ZNF33B: variants seen among roughly 807,000 people sequenced by gnomAD.
ZNF33B encodes zinc finger protein 33B.
Under a neutral mutation model 45.8 loss-of-function variants are expected in ZNF33B, and 29 were observed. That is an observed-to-expected ratio of 0.63 (90% CI 0.47 to 0.86). The LOEUF (loss-of-function observed/expected upper bound fraction) is 0.86, where lower values mean the gene tolerates loss of function less well. Ranked by LOEUF, ZNF33B falls within the 40% of genes least tolerant of loss-of-function variation. The pLI is 0.00. For synonymous variants in ZNF33B, 305 were observed against 307.8 expected, an observed-to-expected ratio of 0.99 and a Z score of 0.10; for missense variants, 831 against 909.9, an observed-to-expected ratio of 0.91 and a Z score of 1.12.
At chr10:42,628,924 G>A (rs1431025581) in intron 4 of ZNF33B, among the ~76,000 whole-genome samples, 1 of 152,160 alleles carries the variant, frequency 6.6e-6, no homozygotes, top group African/African-American at 2.4e-5. Context: ...TAAAAGTAGA[G>A]CTATCATATA....
intron 1 of ZNF33B, among the ~76,000 whole-genome samples, chr10:42,578,031 C>A (rs1253929584): frequency 6.6e-6 from 1 of 152,026 alleles, no homozygotes. Flanking sequence ...GAGAGGATAG[C>A]CGGTGGGCCT....
At chr10:42,632,530 T>C in intron 2 of ZNF33B, 91 bp from the exon 3 acceptor site, 2 of 1,487,920 alleles carry the variant, frequency 1.3e-6, no homozygotes, top group East Asian at 4.7e-5. Context: ...TTTTGCTTTA[T>C]ACTTTTAGGG....
Position 42,638,552 on chromosome 10 carries a change from A to G in ZNF33B, c.-123T>C, listed in dbSNP as rs1462460500. The G allele has an allele frequency of 8.4e-6, 4 of 477,340 alleles. No homozygotes were observed. Among genetic ancestry groups the G allele is most frequent in the Non-Finnish European group, 1.7e-5 (4 of 239,014 alleles). The allele number at this position is 477,340 out of a possible 1,614,324, so 29.6% of individuals were successfully genotyped here. A position where few individuals can be genotyped will look rare whatever the true frequency, so the allele number is the denominator to read the frequency against. On this transcript the variant is annotated 5_prime_UTR_variant, in exon 1 of 5. Coordinates refer to ENST00000359467, the MANE Select transcript of ZNF33B (RefSeq NM_006955.3). The stretch of plus-strand genomic sequence containing the variant: ...ATCCCGGGACCGCCTCCCACGCAAA[A>G]CGTGAGACAAACAAAAGGAAAGGCG...
At chr10:42,631,437 T>C (rs1342043962) in intron 4 of ZNF33B, among the ~76,000 whole-genome samples, 1 of 152,184 alleles carries the variant, frequency 6.6e-6, no homozygotes, top group Non-Finnish European at 1.5e-5. Flanking sequence ...ACTCCTGACC[T>C]CAAGTGATCT....
intron 4 of ZNF33B, among the ~76,000 whole-genome samples, chr10:42,620,598 C>T (rs940558564): frequency 1.1e-4 from 16 of 150,994 alleles, no homozygotes; most frequent in African/African-American, 3.7e-4. Flanking sequence ...TTTGTAGAAA[C>T]GGAGTCTCAC....
chr10:42,637,100 C>T, intron 1 of ZNF33B, 128 bp from the exon 2 acceptor site: 1 of 813,340 alleles, frequency 1.2e-6, no homozygotes, highest in Non-Finnish European at 2.0e-6. Context: ...ATATCAATGT[C>T]CTCTGACACT....
chr10:42,605,955 G>A (rs1259520882), intron 4 of ZNF33B, among the ~76,000 whole-genome samples: 14 of 151,944 alleles, frequency 9.2e-5, no homozygotes, highest in South Asian at 4.2e-4. Context: ...TTAATTACCC[G>A]GGCATAGTGG....
chr10:42,583,475 AAAG>A (rs1450138253), intron 1 of ZNF33B: 1 of 259,052 alleles, frequency 3.9e-6, no homozygotes, highest in Non-Finnish European at 7.7e-6. Flanking sequence ...TGGTATCTTC[AAAG>A]AAGTTGAGAG....
intron 1 of ZNF33B, among the ~76,000 whole-genome samples, chr10:42,637,819 C>T (rs1219047666): frequency 6.6e-6 from 1 of 152,014 alleles, no homozygotes; most frequent in East Asian, 1.9e-4. Flanking sequence ...CGCATGGCTA[C>T]TTTTAGTATT....
intron 4 of ZNF33B, among the ~76,000 whole-genome samples, chr10:42,598,967 T>C (rs1282010084): frequency 7.7e-6 from 1 of 129,432 alleles, no homozygotes; most frequent in Non-Finnish European, 1.7e-5. Flanking sequence ...ATTGGTACTA[T>C]TAATTGTTTG....
At chr10:42,608,590 C>T (rs1380191614) in intron 4 of ZNF33B, among the ~76,000 whole-genome samples, 1 of 151,648 alleles carries the variant, frequency 6.6e-6, no homozygotes, top group Non-Finnish European at 1.5e-5. Context: ...AGAAAAAATG[C>T]TATGAGGTAA....
intron 4 of ZNF33B, among the ~76,000 whole-genome samples, chr10:42,630,058 T>G (rs1838981755): frequency 6.6e-6 from 1 of 152,154 alleles, no homozygotes; most frequent in Non-Finnish European, 1.5e-5. Context: ...AAAATATATT[T>G]ATCCCCATTT....
chr10:42,593,813 G>T lies in ZNF33B; in HGVS notation c.1137C>A (p.His379Gln). 6.2e-7 allele frequency: 1 copy of T among 1,614,066 alleles called. No individual in the cohort carries two copies. Among genetic ancestry groups the T allele is most frequent in the Non-Finnish European group, 8.5e-7 (1 of 1,179,974 alleles). Residue 379 changes from histidine (H) to glutamine (Q), a missense_variant, in exon 5 of 5, where the codon CAC (histidine) becomes CAA (glutamine). By Grantham distance (24) the His-to-Gln change is conservative (BLOSUM62 0). Coordinates refer to ENST00000359467, the MANE Select transcript of ZNF33B (RefSeq NM_006955.3). ...TGCATTCAAAAGGTTTCTCCCCTGT[G>T]TGTGATCTCTGATGTTTAGTGAGGT... ...KSNLTKHQRS[H>Q]TGEKPFECNE...
At position 42,631,935 on chromosome 10, in the gene ZNF33B, A is replaced by G. The variant is rs1290961596; in HGVS notation, c.244T>C (p.Phe82Leu). ...RLEEEFPSQS[F>L]PEVWTADHLK... ...GCAGTACATATTAACCCACCTGGAA[A>G]GCTCTGGCTTGGGAATTCTTCCTCC... The change falls in exon 4 of 5, where the codon TTT becomes CTT. Residue 82 changes from phenylalanine to leucine, a missense_variant. Coordinates refer to ENST00000359467, the MANE Select transcript of ZNF33B (RefSeq NM_006955.3). The G allele has an allele frequency of 1.9e-6, 3 of 1,613,928 alleles. No homozygotes were observed. The highest frequency in any genetic ancestry group is 1.7e-5 in the Admixed American group (1 of 60,018).
intron 4 of ZNF33B, among the ~76,000 whole-genome samples, chr10:42,599,567 T>C (rs1391558766): frequency 6.6e-6 from 1 of 151,812 alleles, no homozygotes; most frequent in Non-Finnish European, 1.5e-5. Flanking sequence ...ACATAATACA[T>C]TATATCCCAT....
intron 1 of ZNF33B, 55 bp from the exon 2 acceptor site, chr10:42,637,027 C>T: frequency 6.3e-7 from 1 of 1,579,092 alleles, no homozygotes. Flanking sequence ...CCTGGCAACT[C>T]CCGGATTCTT....
At chr10:42,576,709 T>A (rs1219484249) in intron 1 of ZNF33B, among the ~76,000 whole-genome samples, 1 of 152,194 alleles carries the variant, frequency 6.6e-6, no homozygotes, top group Non-Finnish European at 1.5e-5. Flanking sequence ...TTTCCCCCAA[T>A]TTTTCCCATA....
intron 4 of ZNF33B, among the ~76,000 whole-genome samples, chr10:42,608,208 A>G (rs1470771476): frequency 6.6e-6 from 1 of 152,222 alleles, no homozygotes; most frequent in Non-Finnish European, 1.5e-5. Context: ...CGCGTAGCAA[A>G]AACTGACAGA....
chr10:42,638,520 C>G lies in ZNF33B; in HGVS notation c.-91G>C. Reference sequence around the variant, plus strand: ...ATTCGCCATAAGAGAGCCGGTAGACCCCTGAAATCCCGGGACCGCCTCCCA... The same window carrying G: ...ATTCGCCATAAGAGAGCCGGTAGACGCCTGAAATCCCGGGACCGCCTCCCA... On this transcript the variant is annotated 5_prime_UTR_variant, in exon 1 of 5. Transcript: ENST00000359467. 1 of 483,570 alleles carries G rather than the reference C, an allele frequency of 2.1e-6. No individual in the cohort carries two copies. Among genetic ancestry groups the G allele is most frequent in the Admixed American group, 2.2e-5 (1 of 45,320 alleles). 30.0% of individuals were successfully genotyped at this position (483,570 alleles called of 1,614,324 possible). A position where few individuals can be genotyped will look rare whatever the true frequency, so the allele number is the denominator to read the frequency against.
Sources: gnomAD v4.1 joint callset for allele counts (sites outside exome capture counted in the v4.1 genomes callset) on GRCh38, gnomAD v4.1.1 for gene constraint, MANE v1.5 for transcripts, NCBI Gene and HGNC (gene_info 2026-07-23, HGNC 2026-07-21) for gene names.